Variants in CAMTA1 observed in about 807,000 individuals in gnomAD.
CAMTA1 encodes calmodulin binding transcription activator 1, also known as calmodulin-binding transcription activator 1.
CAMTA1 carries 27 observed loss-of-function variants against 170.9 expected under a neutral mutation model. That is an observed-to-expected ratio of 0.16 (90% CI 0.12 to 0.22). The LOEUF is 0.22. CAMTA1 is among the 10% of genes least tolerant of loss of function. The pLI is 1.00. For synonymous variants in CAMTA1, 833 were observed against 891.5 expected (o/e 0.93, Z 1.17); for missense variants, 1,619 against 2,217.2 (o/e 0.73, Z 5.42).
intron 7 of CAMTA1, among the ~76,000 whole-genome samples, chr1:7,645,172 T>C (rs1344131374): frequency 6.6e-6 from 1 of 152,236 alleles, no homozygotes. Flanking sequence ...TGGAGTCGAC[T>C]GCTCTGCCAG....
rs1171495525 is a variant in CAMTA1, at chr1:7,249,302, C to A, written c.303-189C>A. Among the ~76,000 whole-genome samples, 1 of 152,076 alleles carries A rather than the reference C, an allele frequency of 6.6e-6. No individual in the cohort carries two copies. The highest frequency in any genetic ancestry group is 2.4e-5 in the African/African-American group (1 of 41,398). ...CATTTAATTCATTAGGTACCAAATC[C>A]AAAGCAAATTTTGGCTGGCCATAAA... On this transcript the variant is annotated intron_variant, in intron 4 of 22. Coordinates refer to ENST00000303635, the MANE Select transcript of CAMTA1 (RefSeq NM_015215.4). This position sits in a 1 kb window ranked among gnomAD's most constrained non-coding sequence, Gnocchi z 4.4.
intron 5 of CAMTA1, among the ~76,000 whole-genome samples, chr1:7,422,186 G>A (rs562828733): frequency 2.2e-4 from 33 of 152,244 alleles, no homozygotes; most frequent in African/African-American, 6.7e-4. Flanking sequence ...GCTGTGGGTC[G>A]TACATGCAGG....
chr1:7,284,177 C>CTTCTTCCTA (rs1333698169), intron 5 of CAMTA1, among the ~76,000 whole-genome samples: 1 of 99,308 alleles, frequency 1.0e-5, no homozygotes, highest in Admixed American at 1.1e-4. Flanking sequence ...TCTTCTTCTT[C>CTTCTTCCTA]TTATTATTAT....
At chr1:7,726,365 A>G (rs150295837) in intron 11 of CAMTA1, among the ~76,000 whole-genome samples, 7 of 152,182 alleles carry the variant, frequency 4.6e-5, no homozygotes, top group African/African-American at 1.7e-4. Flanking sequence ...TACAAACTAT[A>G]TGTATTTATT....
At chr1:7,469,026 C>T (rs536154569) in intron 6 of CAMTA1, among the ~76,000 whole-genome samples, 1 of 152,330 alleles carries the variant, frequency 6.6e-6, no homozygotes, top group Non-Finnish European at 1.5e-5. Flanking sequence ...GCCCTCTATC[C>T]ATCGGCTCTG....
At chr1:7,256,999 A>C (rs1468886489) in intron 5 of CAMTA1, among the ~76,000 whole-genome samples, 2 of 149,574 alleles carry the variant, frequency 1.3e-5, no homozygotes, top group Admixed American at 1.4e-4. Context: ...GGGCACAAAC[A>C]AACCCCATTC....
intron 4 of CAMTA1, among the ~76,000 whole-genome samples, chr1:7,169,514 C>CT (rs571667485): frequency 8.6e-5 from 13 of 151,282 alleles, no homozygotes; most frequent in South Asian, 4.2e-4. Flanking sequence ...TTCATTTAGA[C>CT]TTTTTTTTTG....
At chr1:7,461,675 T>G (rs560211942) in intron 5 of CAMTA1, among the ~76,000 whole-genome samples, 1 of 152,224 alleles carries the variant, frequency 6.6e-6, no homozygotes, top group Non-Finnish European at 1.5e-5. Context: ...CAGCAAGCCC[T>G]GGCTTCTGGG....
chr1:7,480,859 AC>A (rs1352820115), intron 6 of CAMTA1, among the ~76,000 whole-genome samples: 3 of 152,222 alleles, frequency 2.0e-5, no homozygotes, highest in African/African-American at 7.2e-5. Flanking sequence ...ACTGCTCTGC[AC>A]CAGATTTTTA....
intron 3 of CAMTA1, among the ~76,000 whole-genome samples, chr1:6,973,002 C>T (rs1475006908): frequency 2.6e-5 from 4 of 152,150 alleles, no homozygotes; most frequent in Non-Finnish European, 5.9e-5. Context: ...CAGGCACCCA[C>T]CACCATGCCT....
At chr1:7,599,372 G>A (rs1271486438) in intron 6 of CAMTA1, among the ~76,000 whole-genome samples, 25 of 152,318 alleles carry the variant, frequency 1.6e-4, no homozygotes, top group Admixed American at 6.5e-4. Context: ...GTCAGGTAGC[G>A]TGATGCCTCC....
At chr1:6,880,063 G>GT (rs914792496) in intron 3 of CAMTA1, among the ~76,000 whole-genome samples, 142 of 150,590 alleles carry the variant, frequency 9.4e-4, no homozygotes, top group African/African-American at 3.0e-3. Flanking sequence ...CTCTAGTAGG[G>GT]TTTTTTTTTA....
chr1:7,287,588 T>C (rs768906847), intron 5 of CAMTA1, among the ~76,000 whole-genome samples: 1 of 152,140 alleles, frequency 6.6e-6, no homozygotes, highest in Non-Finnish European at 1.5e-5. Flanking sequence ...CTTCTTCTTC[T>C]TCTTCATCAT....
intron 5 of CAMTA1, among the ~76,000 whole-genome samples, chr1:7,254,897 G>A (rs566389247): frequency 6.6e-6 from 1 of 152,174 alleles, no homozygotes; most frequent in Non-Finnish European, 1.5e-5. Flanking sequence ...GCAATAAATA[G>A]ATAAAGTGGA....
chr1:7,070,071 A>T lies in CAMTA1; in HGVS notation c.235-21233A>T, dbSNP rs544373835. Among the ~76,000 whole-genome samples, 30 of 152,156 alleles carry T rather than the reference A, an allele frequency of 2.0e-4. No homozygotes were observed. The South Asian group carries it at 6.0e-3, about 31-fold the overall frequency. On this transcript the variant is annotated intron_variant, in intron 3 of 22. Coordinates refer to ENST00000303635, the MANE Select transcript of CAMTA1 (RefSeq NM_015215.4). ...AGCCGCAGCTCCCTCGGAAGGATGC[A>T]CCCTTTGCTCTCTGGAGCAGGACGG...
Position 7,681,384 on chromosome 1 carries a change from G to T in CAMTA1, c.2914+3651G>T, listed in dbSNP as rs544189938. ...CCTGAAGCCTGAGCAGGGTTAGCCC[G>T]GGAAGAGGGGGCATCAAGGGTGGCA... On this transcript the variant is annotated intron_variant, in intron 11 of 22. Transcript: ENST00000303635. This position sits in a 1 kb window ranked among gnomAD's most constrained non-coding sequence, Gnocchi z 4.6. Among the ~76,000 whole-genome samples, 2 of 152,176 alleles carry T rather than the reference G, an allele frequency of 1.3e-5. No homozygotes were observed. The highest frequency in any genetic ancestry group is 1.5e-5 in the Non-Finnish European group (1 of 68,034).
At chr1:7,281,251 C>A (rs562490415) in intron 5 of CAMTA1, among the ~76,000 whole-genome samples, 1 of 152,160 alleles carries the variant, frequency 6.6e-6, no homozygotes, top group Non-Finnish European at 1.5e-5. Context: ...ATTCTGCAAA[C>A]CAATTCAAGA....
Position 7,765,235 on chromosome 1 carries a change from T to C in CAMTA1, c.4990-1224T>C, listed in dbSNP as rs552702874. ...GTGACTTACACCACATGCATTGCCT[T>C]ACATTTGATCATTCTGCTATTAAGG... On this transcript the variant is annotated intron_variant, in intron 22 of 22. Transcript: ENST00000303635. Among the ~76,000 whole-genome samples, 204 of 152,286 alleles carry C rather than the reference T, an allele frequency of 1.3e-3. 1 individual carries two copies. The highest frequency in any genetic ancestry group is 4.6e-3 in the African/African-American group (190 of 41,564).
At chr1:7,349,723 A>G (rs1241431962) in intron 5 of CAMTA1, among the ~76,000 whole-genome samples, 1 of 152,162 alleles carries the variant, frequency 6.6e-6, no homozygotes, top group African/African-American at 2.4e-5. Flanking sequence ...TCCTGACCTC[A>G]CTTTAACTTT....
Sources: allele counts gnomAD v4.1 joint callset (sites outside exome capture counted in the v4.1 genomes callset), GRCh38; gene constraint gnomAD v4.1.1; non-coding constraint Gnocchi (gnomAD v3.1); transcripts MANE v1.5; gene names NCBI Gene and HGNC (gene_info 2026-07-23, HGNC 2026-07-21).